Variants in PRDM9 observed in about 807,000 individuals in gnomAD.
The protein encoded by PRDM9 is PR/SET domain 9.
A neutral mutation model predicts 55.6 loss-of-function variants in PRDM9; 47 were observed. That is an observed-to-expected ratio of 0.85 (90% CI 0.67 to 1.08). PRDM9 has a LOEUF of 1.08. PRDM9 is among the 50% of genes least tolerant of loss of function. The pLI is 0.00. For synonymous variants in PRDM9, 312 were observed against 375.7 expected (o/e 0.83, Z 1.96); for missense variants, 867 against 1,040.3 (o/e 0.83, Z 2.29).
At chr5:23,517,594 TCGC>T (rs1739239071) in intron 4 of PRDM9, among the ~76,000 whole-genome samples, 1 of 152,060 alleles carries the variant, frequency 6.6e-6, no homozygotes, top group Non-Finnish European at 1.5e-5. Context: ...GAGACCAGCA[TCGC>T]CAACATGGAG....
Position 23,509,486 on chromosome 5 carries a change from A to G in PRDM9, c.86A>G (p.Lys29Arg). 6.2e-7 allele frequency: 1 copy of G among 1,614,186 alleles called. No individual in the cohort carries two copies. Among genetic ancestry groups the G allele is most frequent in the Non-Finnish European group, 8.5e-7 (1 of 1,180,026 alleles). Reference protein sequence around the residue: ...ERKPMVKDAFKDISIYFTKEE... With the variant: ...ERKPMVKDAFRDISIYFTKEE... ...TTCCTCTAGGTCAAAGATGCCTTCAAAGACATTTCCATATACTTCACCAAG... is the reference window on the plus strand; with the variant it reads ...TTCCTCTAGGTCAAAGATGCCTTCAGAGACATTTCCATATACTTCACCAAG... Residue 29 changes from lysine to arginine, a missense_variant, in exon 3 of 11, where the codon AAA becomes AGA. By Grantham distance (26) the Lys-to-Arg change is conservative (BLOSUM62 2). Around this residue, in one of 5 missense-constraint regions of PRDM9, gnomAD observed 662 missense variants for 711.9 expected, o/e 0.93. Coordinates refer to ENST00000296682, the MANE Select transcript of PRDM9 (RefSeq NM_020227.4).
chr5:23,516,893 C>A (rs1192311391), intron 4 of PRDM9, among the ~76,000 whole-genome samples: 25 of 149,298 alleles, frequency 1.7e-4, no homozygotes, highest in Non-Finnish European at 3.4e-4. Context: ...AATCCTAGCA[C>A]TTTGGGAGGC....
At chr5:23,510,048 G>A (rs1337791944) in intron 4 of PRDM9, 21 bp downstream of exon 4, 1 of 1,291,744 alleles carries the variant, frequency 7.7e-7, no homozygotes, top group African/African-American at 1.6e-5. Context: ...AGGGAAGTAG[G>A]ATTTTTTTTT....
chr5:23,525,854 A>C (rs555434010), intron 10 of PRDM9, among the ~76,000 whole-genome samples: 4 of 152,320 alleles, frequency 2.6e-5, no homozygotes, highest in Admixed American at 6.5e-5. Flanking sequence ...AAAAGTGCCC[A>C]GGGACCAGGG....
intron 4 of PRDM9, among the ~76,000 whole-genome samples, chr5:23,512,157 T>G (rs1052134005): frequency 1.2e-4 from 19 of 152,210 alleles, no homozygotes; most frequent in African/African-American, 4.3e-4. Context: ...GTACATTTAA[T>G]CATACTATAT....
Position 23,522,814 on chromosome 5 carries a change from C to G in PRDM9, c.811C>G (p.Leu271Val). The G allele has an allele frequency of 6.2e-7, 1 of 1,614,210 alleles. No individual in the cohort carries two copies. The highest frequency in any genetic ancestry group is 8.5e-7 in the Non-Finnish European group (1 of 1,180,050). ...TGAGGCATCTGATCTGCCGCTGGGTCTGCACTTTGGCCCTTATGAGGGCCG... is the reference window on the plus strand; with the variant it reads ...TGAGGCATCTGATCTGCCGCTGGGTGTGCACTTTGGCCCTTATGAGGGCCG... ...WNEASDLPLGLHFGPYEGRIT... is the reference protein window; with the variant it reads ...WNEASDLPLGVHFGPYEGRIT... Residue 271 changes from leucine to valine, a missense_variant, in exon 8 of 11, where the codon CTG becomes GTG. Coordinates refer to ENST00000296682, the MANE Select transcript of PRDM9 (RefSeq NM_020227.4).
intron 4 of PRDM9, 69 bp downstream of exon 4, chr5:23,510,096 C>A: frequency 1.4e-6 from 2 of 1,458,792 alleles, no homozygotes; most frequent in East Asian, 4.9e-5. Flanking sequence ...CTCTTTTCAC[C>A]CAGGCTGGGG....
At chr5:23,515,792 G>T (rs2126416358) in intron 4 of PRDM9, among the ~76,000 whole-genome samples, 1 of 151,938 alleles carries the variant, frequency 6.6e-6, no homozygotes, top group East Asian at 1.9e-4. Context: ...GTGTAGTCTT[G>T]GCATCCTTGC....
intron 4 of PRDM9, among the ~76,000 whole-genome samples, chr5:23,515,233 G>A (rs1319719846): frequency 6.6e-6 from 1 of 152,118 alleles, no homozygotes; most frequent in Non-Finnish European, 1.5e-5. Flanking sequence ...CCAAAGTGCT[G>A]GGATTACAGG....
Position 23,526,715 on chromosome 5 carries a change from C to G in PRDM9, c.1627C>G (p.Gln543Glu), listed in dbSNP as rs1739446931. Residue 543 changes from glutamine to glutamate, a missense_variant, in exon 11 of 11, where the codon CAA becomes GAA. Gln to Glu is a conservative substitution (Grantham distance 29). Transcript: ENST00000296682. ...TGTTAAATCAGATGTTATTACACACCAAAGGACACATACAGGGGAGAAGCT... is the reference window on the plus strand; with the variant it reads ...TGTTAAATCAGATGTTATTACACACGAAAGGACACATACAGGGGAGAAGCT... ...FSVKSDVITH[Q>E]RTHTGEKLYV... The G allele has an allele frequency of 6.2e-7, 1 of 1,614,130 alleles. No individual in the cohort carries two copies. Among genetic ancestry groups the G allele is most frequent in the Non-Finnish European group, 8.5e-7 (1 of 1,180,062 alleles).
intron 4 of PRDM9, among the ~76,000 whole-genome samples, chr5:23,511,320 CGTTTGTTT>C (rs199586987): frequency 1.3e-5 from 2 of 151,900 alleles, no homozygotes; most frequent in African/African-American, 4.8e-5. Flanking sequence ...ATTCATATAA[CGTTTGTTT>C]GTTTGTTTGT....
chr5:23,516,344 G>A (rs1213334050), intron 4 of PRDM9, among the ~76,000 whole-genome samples: 1 of 152,048 alleles, frequency 6.6e-6, no homozygotes, highest in African/African-American at 2.4e-5. Context: ...CAACTGATTT[G>A]GGGTGTTGAT....
chr5:23,520,682 T>C (rs541044711), intron 5 of PRDM9, among the ~76,000 whole-genome samples: 25 of 152,264 alleles, frequency 1.6e-4, no homozygotes, highest in African/African-American at 5.3e-4. Context: ...AAAAGTCTAC[T>C]AGTTTATGGA....
chr5:23,516,310 G>T, intron 4 of PRDM9, among the ~76,000 whole-genome samples: 1 of 152,148 alleles, frequency 6.6e-6, no homozygotes, highest in East Asian at 1.9e-4. Flanking sequence ...TTTGTGGATT[G>T]CTCATTGTTA....
intron 1 of PRDM9, 95 bp from the exon 2 acceptor site, chr5:23,508,855 C>T (rs1739033005): frequency 8.5e-6 from 6 of 705,440 alleles, no homozygotes; most frequent in South Asian, 1.8e-5. Context: ...CCACATCTTC[C>T]TGCTCTGAAC....
intron 8 of PRDM9, 82 bp downstream of exon 8, chr5:23,522,967 T>C (rs192272646): frequency 6.2e-7 from 1 of 1,603,116 alleles, no homozygotes; most frequent in Non-Finnish European, 8.5e-7. Context: ...TTCTACATGT[T>C]AGTATATAGG....
chr5:23,522,835 G>C lies in PRDM9; in HGVS notation c.832G>C (p.Gly278Arg), dbSNP rs1285517531. ...PLGLHFGPYE[G>R]RITEDEEAAN... ...GGGTCTGCACTTTGGCCCTTATGAG[G>C]GCCGAATTACAGAAGACGAAGAGGC... Residue 278 changes from glycine to arginine, a missense_variant, in exon 8 of 11, where the codon GGC becomes CGC. Coordinates refer to ENST00000296682, the MANE Select transcript of PRDM9 (RefSeq NM_020227.4). The C allele has an allele frequency of 6.2e-7, 1 of 1,614,100 alleles. No homozygotes were observed. Among genetic ancestry groups the C allele is most frequent in the Non-Finnish European group, 8.5e-7 (1 of 1,180,050 alleles).
intron 5 of PRDM9, among the ~76,000 whole-genome samples, chr5:23,520,512 C>G (rs1739308771): frequency 6.6e-6 from 1 of 151,832 alleles, no homozygotes; most frequent in African/African-American, 2.4e-5. Flanking sequence ...AATATTCTTT[C>G]CAGGATATGG....
chr5:23,521,139 A>C lies in PRDM9; in HGVS notation c.468A>C (p.Gly156=). Residue 156 remains glycine (G), a synonymous_variant, in exon 6 of 11, where the codon GGA becomes GGC. Transcript: ENST00000296682. The part of the protein sequence containing the change: ...EQAQKPVSPS[G]EASTSGQHSR... Reference sequence around the variant, plus strand: ...CTCAGAAACCAGTGTCCCCTTCTGGAGAAGCAAGTACCTCTGGACAGCACT... The same window carrying C: ...CTCAGAAACCAGTGTCCCCTTCTGGCGAAGCAAGTACCTCTGGACAGCACT... 1 of 1,613,912 alleles carries C rather than the reference A, an allele frequency of 6.2e-7. No homozygotes were observed. Among genetic ancestry groups the C allele is most frequent in the East Asian group, 2.2e-5 (1 of 44,866 alleles).
Sources: gnomAD v4.1 joint callset for allele counts (sites outside exome capture counted in the v4.1 genomes callset) on GRCh38, gnomAD v4.1.1 for gene constraint, gnomAD v4.1.1 regional missense constraint, MANE v1.5 for transcripts, NCBI Gene and HGNC (gene_info 2026-07-23, HGNC 2026-07-21) for gene names.